Variants in FMN2 observed in about 807,000 individuals in gnomAD.
FMN2 encodes formin 2, also known as formin-2.
FMN2 carries 51 observed loss-of-function variants against 142.3 expected under a neutral mutation model. That is an observed-to-expected ratio of 0.36 (90% CI 0.29 to 0.45). FMN2 has a LOEUF of 0.45. FMN2 is among the 20% of genes least tolerant of loss of function. The probability of loss-of-function intolerance (pLI) is 1.00; values close to 1 mark genes in which losing one functional copy is unlikely to be tolerated. For synonymous variants in FMN2, 882 were observed against 869.8 expected (o/e 1.01, Z -0.25); for missense variants, 1,936 against 2,122.8 (o/e 0.91, Z 1.73).
rs1220493937 is a variant in FMN2, at chr1:240,360,447, T to C, written c.4858+4539T>C. Among the ~76,000 whole-genome samples, 5 of 152,338 alleles carry C rather than the reference T, an allele frequency of 3.3e-5. No homozygotes were observed. The South Asian group carries it at 6.2e-4, about 19-fold the overall frequency. ...GCTCTGGACCTGATACTTCTATTTT[T>C]ATCCAGGAATCCACTCCTAGAGTTA... On this transcript the variant is annotated intron_variant, in intron 14 of 17. Coordinates refer to ENST00000319653, the MANE Select transcript of FMN2 (RefSeq NM_020066.5).
At chr1:240,144,203 G>A (rs934060972) in intron 2 of FMN2, 47 of 1,512,300 alleles carry the variant, frequency 3.1e-5, no homozygotes, top group African/African-American at 4.1e-5. Context: ...TGCCATCATC[G>A]TTAGCAGCTT....
chr1:240,133,126 G>T (rs1309013596), intron 2 of FMN2, among the ~76,000 whole-genome samples: 1 of 152,116 alleles, frequency 6.6e-6, no homozygotes, highest in African/African-American at 2.4e-5. Context: ...TGTCAGTAGT[G>T]CCAAGGTTGA....
At chr1:240,107,744 C>T (rs993912764) in intron 1 of FMN2, among the ~76,000 whole-genome samples, 1 of 151,300 alleles carries the variant, frequency 6.6e-6, no homozygotes, top group African/African-American at 2.4e-5. Flanking sequence ...GTCTTTTTCT[C>T]TCTTCCCCAG....
chr1:240,339,636 C>T (rs906423775), intron 13 of FMN2, among the ~76,000 whole-genome samples: 2 of 151,870 alleles, frequency 1.3e-5, no homozygotes, highest in Non-Finnish European at 2.9e-5. Context: ...TTTAGACAAC[C>T]TTGAAAAATG....
chr1:240,212,349 C>G (rs1273073905), intron 6 of FMN2, among the ~76,000 whole-genome samples: 1 of 152,176 alleles, frequency 6.6e-6, no homozygotes, highest in African/African-American at 2.4e-5. Flanking sequence ...AGCAGGCTCA[C>G]CCCAGGCATT....
At chr1:240,144,053 G>A (rs1473892890) in intron 2 of FMN2, 5 of 1,105,674 alleles carry the variant, frequency 4.5e-6, no homozygotes, top group South Asian at 2.5e-5. Context: ...AAGAATTCCT[G>A]ACTTAATGTA....
intron 14 of FMN2, among the ~76,000 whole-genome samples, chr1:240,388,644 C>T (rs1673493554): frequency 6.6e-6 from 1 of 151,844 alleles, no homozygotes; most frequent in Admixed American, 6.6e-5. Context: ...GGTGGATCAC[C>T]TCAGGTCAGG....
intron 2 of FMN2, among the ~76,000 whole-genome samples, chr1:240,154,923 G>A (rs1238546947): frequency 7.6e-6 from 1 of 130,984 alleles, no homozygotes; most frequent in Non-Finnish European, 1.5e-5. Context: ...GCCTTGTGCT[G>A]TCGTCCAGGC....
At position 240,207,177 on chromosome 1, in the gene FMN2, G is replaced by T. The variant is rs2103386398; in HGVS notation, c.2365G>T (p.Val789Leu). Reference sequence around the variant, plus strand: ...GTTCTGTTCAGAGATTTCTTTGATTGTGTCTCCAAGGCGAATATCAGTCCA... The same window carrying T: ...GTTCTGTTCAGAGATTTCTTTGATTTTGTCTCCAAGGCGAATATCAGTCCA... ...TKFCSEISLIVSPRRISVQLD... is the reference protein window; with the variant it reads ...TKFCSEISLILSPRRISVQLD... Residue 789 changes from valine (V) to leucine (L), a missense_variant, in exon 5 of 18, where the codon GTG becomes TTG. Coordinates refer to ENST00000319653, the MANE Select transcript of FMN2 (RefSeq NM_020066.5). 2 of 1,614,028 alleles carry T rather than the reference G, an allele frequency of 1.2e-6. No individual in the cohort carries two copies. The highest frequency in any genetic ancestry group is 1.7e-6 in the Non-Finnish European group (2 of 1,179,956).
At chr1:240,145,134 G>T in intron 2 of FMN2, 1 of 1,484,270 alleles carries the variant, frequency 6.7e-7, no homozygotes, top group African/African-American at 1.4e-5. Context: ...GAACGAATCT[G>T]CCTTCGCATT....
chr1:240,253,246 G>A (rs1481237949), intron 6 of FMN2, among the ~76,000 whole-genome samples: 4 of 151,092 alleles, frequency 2.6e-5, no homozygotes, highest in African/African-American at 9.7e-5. Flanking sequence ...TAGGATTACA[G>A]ACGTGAGACA....
At chr1:240,465,975 TG>T (rs1437466652) in intron 16 of FMN2, among the ~76,000 whole-genome samples, 1 of 152,196 alleles carries the variant, frequency 6.6e-6, no homozygotes. Flanking sequence ...TAAATGGGTC[TG>T]GGGTTACGTA....
At chr1:240,281,222 GC>G (rs1344114905) in intron 7 of FMN2, among the ~76,000 whole-genome samples, 1 of 152,090 alleles carries the variant, frequency 6.6e-6, no homozygotes, top group Non-Finnish European at 1.5e-5. Flanking sequence ...TTGCAGGAAA[GC>G]CTTTCTTTAT....
intron 2 of FMN2, chr1:240,171,119 C>T: frequency 1.4e-6 from 2 of 1,427,056 alleles, no homozygotes; most frequent in South Asian, 2.3e-5. Flanking sequence ...TGGAAAGGCA[C>T]TGCCTTTGGA....
chr1:240,163,927 C>T lies in FMN2; in HGVS notation c.1783-13994C>T, dbSNP rs192018351. ...TCCCTCTGTCACCCATGGTGGAGTG[C>T]GGTGGCATAATCATAGCTCACTGCA... On this transcript the variant is annotated intron_variant, in intron 2 of 17. Transcript: ENST00000319653. Among the ~76,000 whole-genome samples, 356 of 152,148 alleles carry T rather than the reference C, an allele frequency of 2.3e-3. 4 individuals are homozygous for T. Among genetic ancestry groups the T allele is most frequent in the African/African-American group, 7.8e-3 (324 of 41,496 alleles).
chr1:240,367,343 C>A (rs948918599), intron 14 of FMN2, among the ~76,000 whole-genome samples: 1 of 152,122 alleles, frequency 6.6e-6, no homozygotes, highest in Non-Finnish European at 1.5e-5. Flanking sequence ...ATAAATTTTC[C>A]CAAGCCCTGC....
At chr1:240,150,779 A>G (rs16839498) in intron 2 of FMN2, among the ~76,000 whole-genome samples, 1,638 of 152,270 alleles carry the variant, frequency 0.011, 26 homozygotes, top group African/African-American at 0.038. Context: ...ACTGGCCATA[A>G]TAATTAGTAG....
chr1:240,230,511 G>A (rs1375298580), intron 6 of FMN2, among the ~76,000 whole-genome samples: 1 of 132,084 alleles, frequency 7.6e-6, no homozygotes, highest in African/African-American at 3.2e-5. Context: ...GTTTTGAGGT[G>A]TGTATTAGTA....
intron 2 of FMN2, among the ~76,000 whole-genome samples, chr1:240,132,028 A>G (rs549232809): frequency 6.6e-6 from 1 of 152,330 alleles, no homozygotes; most frequent in South Asian, 2.1e-4. Flanking sequence ...AGAGCCAGCT[A>G]TAGGGAATCT....
Sources: allele counts gnomAD v4.1 joint callset (sites outside exome capture counted in the v4.1 genomes callset), GRCh38; gene constraint gnomAD v4.1.1; transcripts MANE v1.5; gene names NCBI Gene and HGNC (gene_info 2026-07-23, HGNC 2026-07-21).